Variants in XK observed in about 807,000 individuals in gnomAD.
The protein encoded by XK is X-linked Kx blood group antigen, Kell and VPS13A binding protein.
XK carries 2 observed loss-of-function variants against 14.0 expected under a neutral mutation model. The observed-to-expected ratio is 0.14, with a 90% CI of 0.06 to 0.45. XK has a LOEUF of 0.45. Ranked by LOEUF, XK falls within the 20% of genes least tolerant of loss-of-function variation. The pLI is 0.98. For synonymous variants in XK, 149 were observed against 147.5 expected (o/e 1.01, Z -0.08); for missense variants, 235 against 341.5 (o/e 0.69, Z 2.46).
intron 2 of XK, among the ~76,000 whole-genome samples, chrX:37,695,594 C>T (rs1269917312): frequency 9.0e-6 from 1 of 111,438 alleles, no homozygotes; most frequent in East Asian, 2.8e-4. Context: ...ATTTAAAAGC[C>T]GTAAGTTGAA....
In XK at chrX:37,706,576, C is replaced by T. The variant is rs572282288; in HGVS notation, c.508+12028C>T. On this transcript the variant is annotated intron_variant, in intron 2 of 2. Transcript: ENST00000378616. ...GTTGGGAGATTATTGTATTGTAGGT[C>T]GTGCAGGTGGGCCCAGGACAAATGT... Among the ~76,000 whole-genome samples, 13 of 107,501 alleles carry T rather than the reference C, an allele frequency of 1.2e-4. No individual in the cohort carries two copies. In the South Asian group the frequency reaches 2.5e-3, roughly 20 times the overall value. 93.4% of individuals were successfully genotyped at this position (107,501 alleles called of 115,157 possible).
chrX:37,701,945 C>G (rs891901551), intron 2 of XK, among the ~76,000 whole-genome samples: 3 of 111,997 alleles, frequency 2.7e-5, no homozygotes, highest in African/African-American at 6.5e-5. Flanking sequence ...GTGACTCGCC[C>G]TCTCTCTGCC....
At position 37,728,033 on chromosome X, in the gene XK, T is replaced by G; in HGVS notation, c.906T>G (p.Ile302Met). The G allele has an allele frequency of 8.3e-7, 1 of 1,211,363 alleles. No homozygotes were observed. Among genetic ancestry groups the G allele is most frequent in the Non-Finnish European group, 1.1e-6 (1 of 895,426 alleles). The change falls in exon 3 of 3, where the codon ATT (isoleucine) becomes ATG (methionine). Residue 302 changes from isoleucine to methionine, a missense_variant. By Grantham distance (10) the Ile-to-Met change is conservative. Coordinates refer to ENST00000378616, the MANE Select transcript of XK (RefSeq NM_021083.4). ...GCTGGTCTGCTGTACAGCTGAAAATTGACAGCCCTGACCTCATCAGCAAGT... is the reference window on the plus strand; with the variant it reads ...GCTGGTCTGCTGTACAGCTGAAAATGGACAGCCCTGACCTCATCAGCAAGT... ...MFCWSAVQLK[I>M]DSPDLISKSH...
rs781981568 is a variant in XK, at chrX:37,728,278, T to C, written c.1151T>C (p.Val384Ala). 1.7e-6 allele frequency: 2 copies of C among 1,211,583 alleles called. No individual in the cohort carries two copies. The highest frequency in any genetic ancestry group is 3.5e-5 in the South Asian group (2 of 56,976). ...TGCAAAAAGCTCTTTTCTTCCAGTG[T>C]TTCTGAAGGCTTTCAGAGGTGGCTC... ...HPCKKLFSSS[V>A]SEGFQRWLRC... The change falls in exon 3 of 3, where the codon GTT becomes GCT. Residue 384 changes from valine (V) to alanine (A), a missense_variant. Transcript: ENST00000378616.
At chrX:37,703,754 G>A (rs782046515) in intron 2 of XK, among the ~76,000 whole-genome samples, 8 of 111,674 alleles carry the variant, frequency 7.2e-5, no homozygotes, top group Non-Finnish European at 1.1e-4. Flanking sequence ...TGAAAAAGGG[G>A]TCTCAAAAGA....
chrX:37,697,744 A>G (rs1490589062), intron 2 of XK, among the ~76,000 whole-genome samples: 1 of 112,009 alleles, frequency 8.9e-6, no homozygotes, highest in Non-Finnish European at 1.9e-5. Flanking sequence ...AATGTTATAC[A>G]ATCACCACCA....
At chrX:37,701,941 C>T (rs1173722351) in intron 2 of XK, among the ~76,000 whole-genome samples, 1 of 111,910 alleles carries the variant, frequency 8.9e-6, no homozygotes, top group African/African-American at 3.3e-5. Context: ...CCTTGTGACT[C>T]GCCCTCTCTC....
At chrX:37,689,369 A>C (rs1927161862) in intron 1 of XK, among the ~76,000 whole-genome samples, 1 of 112,541 alleles carries the variant, frequency 8.9e-6, no homozygotes, top group Non-Finnish European at 1.9e-5. Context: ...GCTTTACATA[A>C]AGATAAAAAT....
chrX:37,691,850 G>C (rs1927209354), intron 1 of XK, among the ~76,000 whole-genome samples: 1 of 111,604 alleles, frequency 9.0e-6, no homozygotes, highest in African/African-American at 3.3e-5. Flanking sequence ...AATTAGCTGG[G>C]CACAGTGGCA....
At chrX:37,697,703 T>C (rs1474131557) in intron 2 of XK, among the ~76,000 whole-genome samples, 1 of 112,077 alleles carries the variant, frequency 8.9e-6, no homozygotes, top group Admixed American at 9.4e-5. Context: ...CTACTTTGGG[T>C]GTACAATTCA....
At chrX:37,713,955 G>C (rs1315079801) in intron 2 of XK, among the ~76,000 whole-genome samples, 1 of 111,965 alleles carries the variant, frequency 8.9e-6, no homozygotes, top group South Asian at 3.8e-4. Context: ...ATCAGAATTA[G>C]AGTTCTGCCT....
Position 37,685,956 on chromosome X carries a change from G to A in XK, c.-6G>A, listed in dbSNP as rs1602142564. The stretch of plus-strand genomic sequence containing the variant: ...CGTCCCCGGTGAGCGCCGCTGACGC[G>A]CGGAGATGAAATTCCCGGCCTCGGT... On this transcript the variant is annotated 5_prime_UTR_variant, in exon 1 of 3. Transcript: ENST00000378616. 8.3e-7 allele frequency: 1 copy of A among 1,204,800 alleles called. No homozygotes were observed. Among genetic ancestry groups the A allele is most frequent in the East Asian group, 3.0e-5 (1 of 33,671 alleles).
At chrX:37,709,830 A>G (rs1425006065) in intron 2 of XK, among the ~76,000 whole-genome samples, 15 of 111,952 alleles carry the variant, frequency 1.3e-4, no homozygotes, top group African/African-American at 4.9e-4. Context: ...AAAACATTAC[A>G]CACTCGTACA....
chrX:37,721,571 G>A (rs868968569), intron 2 of XK, among the ~76,000 whole-genome samples: 2 of 111,354 alleles, frequency 1.8e-5, no homozygotes, highest in African/African-American at 3.3e-5. Context: ...TGAAGATGTG[G>A]AAAAATTGGA....
At chrX:37,692,209 A>G (rs954577639) in intron 1 of XK, among the ~76,000 whole-genome samples, 1 of 110,914 alleles carries the variant, frequency 9.0e-6, no homozygotes, top group Non-Finnish European at 1.9e-5. Flanking sequence ...AACATGTCAT[A>G]ACTAAAAGTG....
chrX:37,713,613 T>TG (rs1455600741), intron 2 of XK, among the ~76,000 whole-genome samples: 5 of 110,286 alleles, frequency 4.5e-5, no homozygotes, highest in African/African-American at 1.7e-4. Flanking sequence ...TTTTTTTTTT[T>TG]TTAACATAAT....
intron 2 of XK, among the ~76,000 whole-genome samples, chrX:37,726,925 T>G (rs1927985771): frequency 8.9e-6 from 1 of 112,001 alleles, no homozygotes; most frequent in Non-Finnish European, 1.9e-5. Flanking sequence ...ACTGAGCAAC[T>G]TATTACTGTT....
At chrX:37,689,397 G>A (rs1569472489) in intron 1 of XK, among the ~76,000 whole-genome samples, 3 of 112,269 alleles carry the variant, frequency 2.7e-5, no homozygotes, top group Non-Finnish European at 3.8e-5. Flanking sequence ...CTCAAACAAA[G>A]GAGAGGCATG....
intron 2 of XK, among the ~76,000 whole-genome samples, chrX:37,705,355 G>A (rs1927500958): frequency 9.1e-6 from 1 of 110,366 alleles, no homozygotes. Flanking sequence ...GGGAGGCTGA[G>A]GCAGGAGAAT....
Sources: gnomAD v4.1 joint callset for allele counts (sites outside exome capture counted in the v4.1 genomes callset) on GRCh38, gnomAD v4.1.1 for gene constraint, MANE v1.5 for transcripts, NCBI Gene and HGNC (gene_info 2026-07-23, HGNC 2026-07-21) for gene names.